Variants in GRM7 observed in about 807,000 individuals in gnomAD.
GRM7 encodes the protein glutamate metabotropic receptor 7, also known as metabotropic glutamate receptor 7.
A neutral mutation model predicts 84.5 loss-of-function variants in GRM7; 35 were observed. That is an observed-to-expected ratio of 0.41 (90% CI 0.32 to 0.55). The LOEUF (loss-of-function observed/expected upper bound fraction) is 0.55. GRM7 is among the 20% of genes least tolerant of loss of function. The pLI is 0.19. For missense variants in GRM7, 1,003 were observed against 1,194.6 expected, an observed-to-expected ratio of 0.84 and a Z score of 2.36; for synonymous variants, 487 against 455.1, an observed-to-expected ratio of 1.07 and a Z score of -0.89.
At chr3:7,169,522 A>T (rs986385697) in intron 2 of GRM7, among the ~76,000 whole-genome samples, 1 of 152,202 alleles carries the variant, frequency 6.6e-6, no homozygotes, top group South Asian at 2.1e-4. Context: ...TGTGAAAATT[A>T]TATCATTGAA....
At chr3:7,702,072 C>T (rs1488181385) in intron 9 of GRM7, among the ~76,000 whole-genome samples, 3 of 152,190 alleles carry the variant, frequency 2.0e-5, no homozygotes, top group African/African-American at 4.8e-5. Context: ...CTTCTTCCTA[C>T]TTTCCTTCTT....
intron 1 of GRM7, among the ~76,000 whole-genome samples, chr3:7,086,848 T>G (rs1400780521): frequency 1.3e-5 from 2 of 152,222 alleles, no homozygotes; most frequent in Admixed American, 6.5e-5. Context: ...GACTGGAAAC[T>G]TTGCTTCACT....
In GRM7 at chr3:6,918,194, A is replaced by G. The variant is rs111422619; in HGVS notation, c.519+56287A>G. Among the ~76,000 whole-genome samples the G allele has an allele frequency of 5.8e-4, 88 of 152,220 alleles. 1 individual carries two copies. The highest frequency in any genetic ancestry group is 2.1e-4 in the Non-Finnish European group (14 of 68,042). On this transcript the variant is annotated intron_variant, in intron 1 of 9. Coordinates refer to ENST00000357716, the MANE Select transcript of GRM7 (RefSeq NM_000844.4). ...GGCTGTAAAGGAAAGCTTCTTGCTC[A>G]AGGTCATTCTGTGAGCTAGACAAGG...
intron 2 of GRM7, among the ~76,000 whole-genome samples, chr3:7,263,857 G>A (rs111543210): frequency 6.6e-4 from 101 of 152,270 alleles, no homozygotes; most frequent in Admixed American, 1.2e-3. Context: ...AGCAGGGTGC[G>A]TGCTACAGGC....
At chr3:7,321,882 T>A (rs937269686) in intron 4 of GRM7, among the ~76,000 whole-genome samples, 1 of 152,130 alleles carries the variant, frequency 6.6e-6, no homozygotes, top group Admixed American at 6.6e-5. Context: ...ACTATCGACA[T>A]CATTCATGCA....
At chr3:7,611,526 G>A (rs1003820071) in intron 8 of GRM7, among the ~76,000 whole-genome samples, 2 of 152,084 alleles carry the variant, frequency 1.3e-5, no homozygotes, top group African/African-American at 2.4e-5. Flanking sequence ...GAAGACAGAG[G>A]CCAGAGAGAA....
At chr3:7,076,056 T>G (rs1412461255) in intron 1 of GRM7, among the ~76,000 whole-genome samples, 2 of 152,154 alleles carry the variant, frequency 1.3e-5, no homozygotes, top group Admixed American at 6.5e-5. Context: ...ACAAATACTT[T>G]GTAAAAATTT....
chr3:7,075,496 ATGTGTGTGTGTGTG>A (rs376048569), intron 1 of GRM7, among the ~76,000 whole-genome samples: 1,677 of 138,574 alleles, frequency 0.012, 72 homozygotes, highest in Admixed American at 0.084. Context: ...TGCTTCTCAG[ATGTGTGTGTGTGTG>A]TGTGTGTGTG....
intron 7 of GRM7, among the ~76,000 whole-genome samples, chr3:7,474,566 A>G (rs1015519571): frequency 6.6e-6 from 1 of 152,136 alleles, no homozygotes; most frequent in African/African-American, 2.4e-5. Context: ...TCCTGGAAAC[A>G]AGTTCCAGCT....
intron 9 of GRM7, among the ~76,000 whole-genome samples, chr3:7,694,872 A>G (rs1382906532): frequency 6.6e-6 from 1 of 152,166 alleles, no homozygotes; most frequent in Non-Finnish European, 1.5e-5. Context: ...AATTTAAATC[A>G]TTTGTTCCCC....
At chr3:7,531,764 C>T (rs1286444566) in intron 7 of GRM7, among the ~76,000 whole-genome samples, 1 of 152,122 alleles carries the variant, frequency 6.6e-6, no homozygotes, top group Non-Finnish European at 1.5e-5. Context: ...GACAATTTGA[C>T]TTCCTCTCTT....
chr3:7,484,181 G>A (rs1699237465), intron 7 of GRM7, among the ~76,000 whole-genome samples: 1 of 152,180 alleles, frequency 6.6e-6, no homozygotes, highest in Non-Finnish European at 1.5e-5. Flanking sequence ...TAACAAGAGT[G>A]GAGCAATCTG....
rs910677462 is a variant in GRM7, at chr3:7,082,404, G to A, written c.520-64048G>A. On this transcript the variant is annotated intron_variant, in intron 1 of 9. Coordinates refer to ENST00000357716, the MANE Select transcript of GRM7 (RefSeq NM_000844.4). Reference sequence around the variant, plus strand: ...AGTCCACTATTGAGAGCTACTACTCGGTAAAAAAAAAGATTACTTTCAAGA... The same window carrying A: ...AGTCCACTATTGAGAGCTACTACTCAGTAAAAAAAAAGATTACTTTCAAGA... Among the ~76,000 whole-genome samples the A allele has an allele frequency of 9.9e-5, 15 of 151,766 alleles. 1 individual carries two copies. Among genetic ancestry groups the A allele is most frequent in the Admixed American group, 4.6e-4 (7 of 15,232 alleles).
intron 8 of GRM7, among the ~76,000 whole-genome samples, chr3:7,592,491 G>GGATGGGCATGGTAGGA (rs1375904272): frequency 1.3e-5 from 2 of 152,184 alleles, no homozygotes; most frequent in Non-Finnish European, 2.9e-5. Flanking sequence ...GTGTGAGCTA[G>GGATGGGCATGGTAGGA]GATGGGCATG....
At chr3:7,473,415 G>C (rs1698782841) in intron 7 of GRM7, among the ~76,000 whole-genome samples, 1 of 151,532 alleles carries the variant, frequency 6.6e-6, no homozygotes, top group African/African-American at 2.4e-5. Context: ...GTTCGAGAAA[G>C]CAATGAGCTA....
chr3:6,939,611 CA>C (rs1481812891), intron 1 of GRM7, among the ~76,000 whole-genome samples: 2 of 152,090 alleles, frequency 1.3e-5, no homozygotes, highest in African/African-American at 4.8e-5. Flanking sequence ...AACTCTGTGT[CA>C]AAAAGCTCCA....
At chr3:7,227,391 T>C (rs1697017786) in intron 2 of GRM7, among the ~76,000 whole-genome samples, 1 of 152,212 alleles carries the variant, frequency 6.6e-6, no homozygotes, top group African/African-American at 2.4e-5. Flanking sequence ...ATGTCTACCC[T>C]ACCCCACTGT....
intron 8 of GRM7, among the ~76,000 whole-genome samples, chr3:7,668,897 A>T (rs11706732): frequency 0.35 from 53,982 of 152,196 alleles, 10,799 homozygotes; most frequent in Non-Finnish European, 0.46. Context: ...CATGCCTTTG[A>T]TTTCATTACT....
chr3:7,041,080 A>C (rs1393775204), intron 1 of GRM7, among the ~76,000 whole-genome samples: 2 of 102,870 alleles, frequency 1.9e-5, no homozygotes, highest in Middle Eastern at 4.0e-3. Context: ...ACCCTGTCTC[A>C]AAAAAAAAAA....
Sources: allele counts gnomAD v4.1 joint callset (sites outside exome capture counted in the v4.1 genomes callset), GRCh38; gene constraint gnomAD v4.1.1; transcripts MANE v1.5; gene names NCBI Gene and HGNC (gene_info 2026-07-23, HGNC 2026-07-21).